FUCA1: variants seen among roughly 807,000 people sequenced by gnomAD.
FUCA1 encodes the protein alpha-L-fucosidase 1, also known as tissue alpha-L-fucosidase.
Under a neutral mutation model 56.8 loss-of-function variants are expected in FUCA1, and 52 were observed. The observed-to-expected ratio is 0.92, with a 90% confidence interval of 0.73 to 1.15. FUCA1 has a LOEUF of 1.15. FUCA1 is among the 50% of genes most tolerant of loss of function. FUCA1 has a pLI of 0.00. For missense variants in FUCA1, 568 were observed against 592.6 expected, an observed-to-expected ratio of 0.96 and a Z score of 0.43; for synonymous variants, 230 against 226.6, an observed-to-expected ratio of 1.02 and a Z score of -0.14.
At chr1:23,852,523 C>T (rs574846938) in intron 5 of FUCA1, among the ~76,000 whole-genome samples, 3 of 151,994 alleles carry the variant, frequency 2.0e-5, no homozygotes, top group South Asian at 2.1e-4. Context: ...CCACTGATGC[C>T]GAGCCGAAGC....
intron 6 of FUCA1, among the ~76,000 whole-genome samples, chr1:23,847,319 AC>A (rs1392323749): frequency 1.3e-5 from 2 of 151,400 alleles, no homozygotes; most frequent in Non-Finnish European, 1.5e-5. Flanking sequence ...TGCAATGAAA[AC>A]AAATTTGTTG....
chr1:23,858,587 G>A (rs567096240), intron 4 of FUCA1, among the ~76,000 whole-genome samples: 42 of 152,296 alleles, frequency 2.8e-4, no homozygotes, highest in African/African-American at 9.1e-4. Flanking sequence ...ATAGGGAGGC[G>A]TACTGGGTAG....
Position 23,845,583 on chromosome 1 carries a change from A to G in FUCA1, c.*132T>C, listed in dbSNP as rs1268081813. The G allele has an allele frequency of 9.5e-7, 1 of 1,052,334 alleles. No homozygotes were observed. The highest frequency in any genetic ancestry group is 1.6e-5 in the African/African-American group (1 of 63,546). The allele number at this position is 1,052,334 out of a possible 1,614,324, so 65.2% of individuals were successfully genotyped here. A position where few individuals can be genotyped will look rare whatever the true frequency, so the allele number is the denominator to read the frequency against. On this transcript the variant is annotated 3_prime_UTR_variant, in exon 8 of 8. Transcript: ENST00000374479. ...TCAGGGTAATGTACTCAGTTCCTTTAATTAAAATGTGTTGGAAAAGCCATC... is the reference window on the plus strand; with the variant it reads ...TCAGGGTAATGTACTCAGTTCCTTTGATTAAAATGTGTTGGAAAAGCCATC...
chr1:23,853,172 C>T (rs566069537), intron 5 of FUCA1, among the ~76,000 whole-genome samples: 76 of 151,150 alleles, frequency 5.0e-4, no homozygotes, highest in African/African-American at 1.6e-3. Context: ...GCCGCGACCC[C>T]GTCTGGGAGG....
At chr1:23,854,049 A>C (rs939068751) in intron 5 of FUCA1, among the ~76,000 whole-genome samples, 1 of 150,818 alleles carries the variant, frequency 6.6e-6, no homozygotes, top group Non-Finnish European at 1.5e-5. Flanking sequence ...GAAACACCCA[A>C]GAATGATCAA....
intron 2 of FUCA1, among the ~76,000 whole-genome samples, chr1:23,863,554 C>T (rs914169253): frequency 1.3e-5 from 2 of 152,120 alleles, no homozygotes; most frequent in Non-Finnish European, 2.9e-5. Context: ...TCAATTATCC[C>T]AACAGAGTAT....
At chr1:23,847,829 C>A (rs1639173120) in intron 6 of FUCA1, among the ~76,000 whole-genome samples, 1 of 152,080 alleles carries the variant, frequency 6.6e-6, no homozygotes, top group African/African-American at 2.4e-5. Context: ...TGAGACCAGC[C>A]TGGCCAACAT....
intron 5 of FUCA1, 45 bp downstream of exon 5, chr1:23,854,315 T>G (rs745320246): frequency 3.7e-5 from 52 of 1,420,162 alleles, no homozygotes; most frequent in Non-Finnish European, 4.9e-5. Context: ...ATACTGCATG[T>G]TAAAAAAAAA....
At chr1:23,849,028 C>T (rs1639203699) in intron 5 of FUCA1, among the ~76,000 whole-genome samples, 189 bp from the exon 6 acceptor site, 1 of 151,626 alleles carries the variant, frequency 6.6e-6, no homozygotes. Flanking sequence ...AGTGCAATGG[C>T]GTGATCTTGG....
chr1:23,861,596 T>C (rs182981062), intron 3 of FUCA1, among the ~76,000 whole-genome samples: 10 of 152,342 alleles, frequency 6.6e-5, no homozygotes, highest in African/African-American at 2.4e-4. Context: ...AAAGGACTTA[T>C]GGAATCCACT....
chr1:23,857,179 C>A (rs1335016405), intron 4 of FUCA1, among the ~76,000 whole-genome samples: 3 of 152,110 alleles, frequency 2.0e-5, no homozygotes, highest in Admixed American at 6.6e-5. Flanking sequence ...AGCAAGCGAC[C>A]TAGCTCGAGG....
chr1:23,859,972 T>TG (rs1389456891), intron 3 of FUCA1, 69 bp from the exon 4 acceptor site: 1 of 1,017,654 alleles, frequency 9.8e-7, no homozygotes, highest in East Asian at 2.5e-5. Flanking sequence ...TATGGACCAT[T>TG]TTTTTTTTTA....
intron 4 of FUCA1, 23 bp downstream of exon 4, chr1:23,859,775 T>C: frequency 6.9e-7 from 1 of 1,458,652 alleles, no homozygotes; most frequent in Non-Finnish European, 9.6e-7. Flanking sequence ...AGGAGATAAA[T>C]AAGAAGTCAT....
chr1:23,862,623 A>C (rs1639532062), intron 3 of FUCA1, among the ~76,000 whole-genome samples: 1 of 152,236 alleles, frequency 6.6e-6, no homozygotes, highest in Admixed American at 6.5e-5. Flanking sequence ...GAAAGTGATC[A>C]TTTAAAGAAT....
At chr1:23,863,907 AT>A (rs569662178) in intron 2 of FUCA1, among the ~76,000 whole-genome samples, 50 of 152,258 alleles carry the variant, frequency 3.3e-4, no homozygotes, top group African/African-American at 1.2e-3. Flanking sequence ...TTTTTAAAAA[AT>A]GTCTTCCCTG....
At chr1:23,850,388 A>G (rs2148439723) in intron 5 of FUCA1, among the ~76,000 whole-genome samples, 1 of 151,884 alleles carries the variant, frequency 6.6e-6, no homozygotes, top group South Asian at 2.1e-4. Context: ...ACACCACACC[A>G]TTAACTTTTG....
At chr1:23,847,208 C>A (rs953083415) in intron 6 of FUCA1, among the ~76,000 whole-genome samples, 3 of 152,182 alleles carry the variant, frequency 2.0e-5, no homozygotes, top group African/African-American at 7.2e-5. Context: ...TCTCCTACAT[C>A]AGTTACTGCA....
chr1:23,848,763 G>C lies in FUCA1; in HGVS notation c.1046C>G (p.Pro349Arg). 2 of 1,614,126 alleles carry C rather than the reference G, an allele frequency of 1.2e-6. No homozygotes were observed. The highest frequency in any genetic ancestry group is 1.7e-6 in the Non-Finnish European group (2 of 1,180,000). ...IGPTKDGLIV[P>R]IFQERLLAVG... ...AGCAAGAAGCCTTTCTTGGAAGATG[G>C]GAACAATCAGTCCATCTTTAGTTGG... Residue 349 changes from proline to arginine, a missense_variant, in exon 6 of 8, where the codon CCC becomes CGC. By Grantham distance (103) the Pro-to-Arg change is moderately radical (BLOSUM62 -2). Coordinates refer to ENST00000374479, the MANE Select transcript of FUCA1 (RefSeq NM_000147.5).
At chr1:23,865,749 G>T (rs1019402226) in intron 1 of FUCA1, 124 bp from the exon 2 acceptor site, 3 of 1,070,938 alleles carry the variant, frequency 2.8e-6, no homozygotes, top group African/African-American at 1.6e-5. Context: ...ACTTGTACCA[G>T]TGACTATATT....
Sources: gnomAD v4.1 joint callset for allele counts (sites outside exome capture counted in the v4.1 genomes callset) on GRCh38, gnomAD v4.1.1 for gene constraint, MANE v1.5 for transcripts, NCBI Gene and HGNC (gene_info 2026-07-23, HGNC 2026-07-21) for gene names.